DOCK5: variants seen among roughly 807,000 people sequenced by gnomAD.
DOCK5 encodes dedicator of cytokinesis 5.
A neutral mutation model predicts 251.8 loss-of-function variants in DOCK5; 142 were observed. That is an observed-to-expected ratio of 0.56 (90% confidence interval 0.49 to 0.65). The LOEUF is 0.65. Among genes scored for constraint, DOCK5 ranks in the 30% least tolerant of loss-of-function variants. DOCK5 has a pLI of 0.00. For missense variants in DOCK5, 2,111 were observed against 2,312.3 expected, an observed-to-expected ratio of 0.91 and a Z score of 1.79; for synonymous variants, 842 against 835.5, an observed-to-expected ratio of 1.01 and a Z score of -0.13.
chr8:25,312,761 CAAAAAA>C (rs3085652), intron 13 of DOCK5, among the ~76,000 whole-genome samples: 1 of 113,878 alleles, frequency 8.8e-6, no homozygotes, highest in Non-Finnish European at 1.7e-5. Flanking sequence ...GACTCCGTCT[CAAAAAA>C]AAAAAAAAAA....
chr8:25,272,174 A>G (rs568875029), intron 3 of DOCK5, among the ~76,000 whole-genome samples: 1 of 152,096 alleles, frequency 6.6e-6, no homozygotes, highest in Non-Finnish European at 1.5e-5. Flanking sequence ...GACCATTGGC[A>G]TGTGCCACCA....
chr8:25,341,002 C>T lies in DOCK5; in HGVS notation c.2439+14C>T. On this transcript the variant is annotated intron_variant, in intron 23 of 51. Transcript: ENST00000276440. ...GTCAAGATCAAGGTCAGCCTGGCAG[C>T]ATCATGGGTAACTCTTCTTAGGCTG... 1 of 1,594,076 alleles carries T rather than the reference C, an allele frequency of 6.3e-7. No individual in the cohort carries two copies. Among genetic ancestry groups the T allele is most frequent in the Non-Finnish European group, 8.6e-7 (1 of 1,165,796 alleles).
intron 1 of DOCK5, among the ~76,000 whole-genome samples, chr8:25,203,333 T>C (rs145130950): frequency 1.7e-3 from 264 of 152,352 alleles, no homozygotes; most frequent in African/African-American, 6.0e-3. Flanking sequence ...CCAGTTTATC[T>C]TTGGCGGAAT....
chr8:25,368,435 A>C (rs1254323537), intron 32 of DOCK5, 136 bp from the exon 33 acceptor site: 3 of 1,132,634 alleles, frequency 2.6e-6, no homozygotes, highest in East Asian at 2.6e-5. Flanking sequence ...TCCACATGCT[A>C]TCAGAATCTG....
chr8:25,280,299 T>TAAA (rs1804157380), intron 5 of DOCK5, among the ~76,000 whole-genome samples: 1 of 152,248 alleles, frequency 6.6e-6, no homozygotes. Flanking sequence ...TCTCAATTTT[T>TAAA]GTTCAGTCAT....
chr8:25,342,028 A>G (rs1446652663), intron 24 of DOCK5, among the ~76,000 whole-genome samples: 1 of 152,148 alleles, frequency 6.6e-6, no homozygotes, highest in Non-Finnish European at 1.5e-5. Flanking sequence ...CAGACATAAA[A>G]TCGATTACAA....
chr8:25,306,681 G>A (rs113289171), intron 11 of DOCK5, among the ~76,000 whole-genome samples: 160 of 151,506 alleles, frequency 1.1e-3, no homozygotes, highest in African/African-American at 2.6e-3. Context: ...GCGACAGAGC[G>A]AGACTCCGTC....
chr8:25,304,157 C>A, intron 10 of DOCK5, 98 bp from the exon 11 acceptor site: 1 of 1,007,914 alleles, frequency 9.9e-7, no homozygotes, highest in Non-Finnish European at 1.4e-6. Flanking sequence ...ACCTTTCTTC[C>A]TGCAGTGTTT....
At chr8:25,185,746 G>C (rs553730242) in intron 1 of DOCK5, among the ~76,000 whole-genome samples, 1 of 152,312 alleles carries the variant, frequency 6.6e-6, no homozygotes, top group Non-Finnish European at 1.5e-5. Context: ...GGAGAGCCCC[G>C]GGTTGTGCGC....
At position 25,210,044 on chromosome 8, in the gene DOCK5, G is replaced by GAA. The variant is rs1563309188; in HGVS notation, c.43+25093_43+25094insAA. On this transcript the variant is annotated intron_variant, in intron 1 of 51. Transcript: ENST00000276440. ...TATATATATATATATAAATGTGTGT[G>GAA]TGTGTGTGTGTGTGTGTGTGTGTGT... 7.3e-4 allele frequency among the ~76,000 whole-genome samples: 19 copies of GAA among 26,142 alleles called. 3 individuals carry two copies. The highest frequency in any genetic ancestry group is 2.1e-3 in the African/African-American group (16 of 7,702). 17.2% of individuals were successfully genotyped at this position (26,142 alleles called of 152,430 possible).
intron 2 of DOCK5, among the ~76,000 whole-genome samples, chr8:25,263,680 C>A (rs1037865773): frequency 6.6e-6 from 1 of 151,578 alleles, no homozygotes; most frequent in African/African-American, 2.4e-5. Flanking sequence ...TGTGCGGATA[C>A]CCCCTCGCCC....
chr8:25,205,771 C>G, intron 1 of DOCK5, among the ~76,000 whole-genome samples: 1 of 152,126 alleles, frequency 6.6e-6, no homozygotes, highest in Non-Finnish European at 1.5e-5. Flanking sequence ...TTACTGAAGA[C>G]TTGTGCAAAT....
At chr8:25,256,089 A>G (rs1189394175) in intron 2 of DOCK5, among the ~76,000 whole-genome samples, 1 of 152,220 alleles carries the variant, frequency 6.6e-6, no homozygotes, top group East Asian at 1.9e-4. Flanking sequence ...ATAAGAATGG[A>G]CAAGGCAACA....
At chr8:25,342,978 T>C (rs1457997151) in intron 25 of DOCK5, among the ~76,000 whole-genome samples, 5 of 151,962 alleles carry the variant, frequency 3.3e-5, no homozygotes, top group African/African-American at 1.2e-4. Flanking sequence ...GTGTTGGGAT[T>C]ACAGGCGTGA....
chr8:25,359,095 G>A (rs1160164112), intron 28 of DOCK5, 34 bp downstream of exon 28: 2 of 1,581,904 alleles, frequency 1.3e-6, no homozygotes, highest in Non-Finnish European at 1.7e-6. Context: ...GTAACCTGAA[G>A]ACTTCTTAAA....
At position 25,238,040 on chromosome 8, in the gene DOCK5, C is replaced by A. The variant is rs2956662; in HGVS notation, c.44-5634C>A. ...TCATGTTCTAGAAAGAAACTATGGG[C>A]CCACTAAGTGCATTAGCTGTACTCT... On this transcript the variant is annotated intron_variant, in intron 1 of 51. Transcript: ENST00000276440. Among the ~76,000 whole-genome samples, 1,346 of 152,306 alleles carry A rather than the reference C, an allele frequency of 8.8e-3. 15 individuals are homozygous for A. The highest frequency in any genetic ancestry group is 0.031 in the African/African-American group (1,282 of 41,552).
chr8:25,297,053 A>G (rs561555021), intron 7 of DOCK5, among the ~76,000 whole-genome samples: 3 of 152,208 alleles, frequency 2.0e-5, no homozygotes, highest in Admixed American at 2.0e-4. Context: ...TTCATTGCAT[A>G]TATTGCAATT....
Position 25,411,234 on chromosome 8 carries a change from C to A in DOCK5, c.5549C>A (p.Pro1850Gln). The change falls in exon 52 of 52, where the codon CCA (proline) becomes CAA (glutamine). Residue 1850 changes from proline to glutamine, a missense_variant. Physicochemically the swap from Pro to Gln is moderately conservative, Grantham distance 76 (BLOSUM62 -1). Around this residue, in one of 3 missense-constraint regions of DOCK5, gnomAD observed 1,717 missense variants for 1,892.4 expected, o/e 0.91. Transcript: ENST00000276440. Reference protein sequence around the residue: ...PLPVRREAKAPPPPPPKARKS... With the variant: ...PLPVRREAKAQPPPPPKARKS... ...CCTGTCCGAAGAGAAGCCAAAGCACCACCCCCTCCACCTCCAAAGGCTCGG... is the reference window on the plus strand; with the variant it reads ...CCTGTCCGAAGAGAAGCCAAAGCACAACCCCCTCCACCTCCAAAGGCTCGG... 6.3e-7 allele frequency: 1 copy of A among 1,591,674 alleles called. No homozygotes were observed.
chr8:25,248,610 A>T (rs1309709785), intron 2 of DOCK5, among the ~76,000 whole-genome samples: 1 of 151,624 alleles, frequency 6.6e-6, no homozygotes, highest in East Asian at 1.9e-4. Flanking sequence ...GACATGAAAC[A>T]TTTTTTCTGC....
Sources: gnomAD v4.1 joint callset for allele counts (sites outside exome capture counted in the v4.1 genomes callset) on GRCh38, gnomAD v4.1.1 for gene constraint, gnomAD v4.1.1 regional missense constraint, MANE v1.5 for transcripts, NCBI Gene and HGNC (gene_info 2026-07-23, HGNC 2026-07-21) for gene names.